CEP83: variants seen among roughly 807,000 people sequenced by gnomAD.
CEP83 encodes the protein centrosomal protein 83, also known as centrosomal protein of 83 kDa.
In CEP83, 70 loss-of-function variants were observed where a neutral mutation model predicts 101.9. The ratio of observed to expected loss-of-function variants is 0.69; its 90% CI spans 0.57 to 0.84. The LOEUF is 0.84. CEP83 is among the 40% of genes least tolerant of loss of function. The pLI is 0.00. For synonymous variants in CEP83, 264 were observed against 267.9 expected (o/e 0.99, Z 0.14); for missense variants, 715 against 787.2 (o/e 0.91, Z 1.10).
chr12:94,311,590 T>C (rs1456131251), intron 15 of CEP83, among the ~76,000 whole-genome samples: 3 of 152,176 alleles, frequency 2.0e-5, no homozygotes, highest in Non-Finnish European at 2.9e-5. Flanking sequence ...AACTGATTAC[T>C]CCATGTATAG....
the CEP83 span, chr12:94,297,199 C>A: frequency 6.2e-7 from 1 of 1,613,916 alleles, no homozygotes; most frequent in South Asian, 1.1e-5. Context: ...ATGTGGAGTA[C>A]TCGGATGACC....
At chr12:94,423,870 T>C in intron 2 of CEP83, 1 of 1,612,392 alleles carries the variant, frequency 6.2e-7, no homozygotes, top group East Asian at 2.2e-5. Flanking sequence ...TACTGGGAGA[T>C]GTAAGCTCCT....
At chr12:94,379,963 G>GT (rs1294954690) in intron 6 of CEP83, among the ~76,000 whole-genome samples, 2 of 149,810 alleles carry the variant, frequency 1.3e-5, no homozygotes, top group African/African-American at 4.9e-5. Flanking sequence ...ATTCAGCTGG[G>GT]TTTTTTGTTT....
rs865949519 is a variant in CEP83, at chr12:94,371,291, A to G, written c.934-1255T>C. ...AAGGTAAATAAATCAATTAAGAGGC[A>G]AGAAATGAATAAACGGAGGGGGGAA... is the stretch of plus-strand genomic sequence containing the variant. On this transcript the variant is annotated intron_variant, in intron 8 of 16. Transcript: ENST00000397809. 3.1e-4 allele frequency among the ~76,000 whole-genome samples: 47 copies of G among 152,356 alleles called. No individual in the cohort carries two copies. In the Middle Eastern group the frequency reaches 0.01, roughly 33 times the overall value.
At chr12:94,278,776 T>C in the CEP83 span, among the ~76,000 whole-genome samples, 1 of 152,086 alleles carries the variant, frequency 6.6e-6, no homozygotes, top group African/African-American at 2.4e-5. Flanking sequence ...GGTGGGCAGA[T>C]CACAAGGTCA....
chr12:94,313,179 A>C (rs1970131021), intron 14 of CEP83, 162 bp from the exon 15 acceptor site: 2 of 403,544 alleles, frequency 5.0e-6, no homozygotes, highest in Non-Finnish European at 8.8e-6. Context: ...TGAAAATTGC[A>C]AAGATAATAA....
the CEP83 span, among the ~76,000 whole-genome samples, chr12:94,268,117 AG>A: frequency 1.3e-5 from 2 of 152,210 alleles, no homozygotes; most frequent in African/African-American, 4.8e-5. Context: ...TTTGGAAAAA[AG>A]GCCCCCACAC....
intron 1 of CEP83, among the ~76,000 whole-genome samples, chr12:94,458,192 T>C (rs2067836170): frequency 6.7e-6 from 1 of 149,228 alleles, no homozygotes; most frequent in Non-Finnish European, 1.5e-5. Context: ...AATGAAACTC[T>C]GTCTCAAAAA....
the CEP83 span, among the ~76,000 whole-genome samples, chr12:94,271,469 C>T: frequency 2.0e-5 from 3 of 152,142 alleles, no homozygotes; most frequent in Non-Finnish European, 4.4e-5. Context: ...TGTGACGGGA[C>T]GATGGGTAAA....
intron 6 of CEP83, among the ~76,000 whole-genome samples, chr12:94,398,621 A>C (rs997334494): frequency 6.6e-6 from 1 of 152,190 alleles, no homozygotes; most frequent in Non-Finnish European, 1.5e-5. Flanking sequence ...GCACCTTGAA[A>C]AAGAATAGAA....
At chr12:94,285,408 G>A in the CEP83 span, among the ~76,000 whole-genome samples, 378 of 152,286 alleles carry the variant, frequency 2.5e-3, 1 homozygote, top group African/African-American at 8.3e-3. Flanking sequence ...AAGTGGTTGC[G>A]TTGGGTGATG....
chr12:94,323,201 T>C (rs536442020), intron 14 of CEP83, among the ~76,000 whole-genome samples: 2 of 152,070 alleles, frequency 1.3e-5, no homozygotes, highest in African/African-American at 4.8e-5. Flanking sequence ...CCTAGGGGTA[T>C]GTACAGGGGT....
downstream of CEP83, chr12:94,305,598 A>G (rs1968922242): frequency 3.9e-6 from 1 of 254,168 alleles, no homozygotes. Context: ...CTTAAGCACA[A>G]TGATATAAGT....
At chr12:94,416,038 C>T (rs534981449) in intron 2 of CEP83, among the ~76,000 whole-genome samples, 32 of 151,922 alleles carry the variant, frequency 2.1e-4, no homozygotes, top group Admixed American at 2.1e-3. Flanking sequence ...AAACTCAATA[C>T]AAAAAATAAT....
At chr12:94,447,000 C>T (rs1332382028) in intron 1 of CEP83, among the ~76,000 whole-genome samples, 1 of 152,068 alleles carries the variant, frequency 6.6e-6, no homozygotes, top group Non-Finnish European at 1.5e-5. Flanking sequence ...ACGTTGATTT[C>T]TCATCAGAAA....
At chr12:94,428,212 T>G (rs2065353676) in intron 2 of CEP83, among the ~76,000 whole-genome samples, 1 of 152,244 alleles carries the variant, frequency 6.6e-6, no homozygotes, top group Non-Finnish European at 1.5e-5. Flanking sequence ...CCAAAGTCTC[T>G]GAAAGTTGTG....
chr12:94,341,127 A>T (rs908749757), intron 11 of CEP83, among the ~76,000 whole-genome samples: 5 of 152,232 alleles, frequency 3.3e-5, no homozygotes, highest in African/African-American at 4.8e-5. Context: ...ATAAATGTGC[A>T]GCGGAGCAGC....
intron 11 of CEP83, among the ~76,000 whole-genome samples, chr12:94,336,052 C>G (rs942570728): frequency 1.3e-5 from 2 of 151,958 alleles, no homozygotes; most frequent in African/African-American, 4.8e-5. Flanking sequence ...TTAGGAGAGG[C>G]CAACTTACAT....
intron 2 of CEP83, among the ~76,000 whole-genome samples, chr12:94,421,154 T>C (rs1014543904): frequency 6.6e-6 from 1 of 152,142 alleles, no homozygotes; most frequent in Non-Finnish European, 1.5e-5. Flanking sequence ...CACCTCAGTC[T>C]CCCAAGTAGC....
Sources: allele counts gnomAD v4.1 joint callset (sites outside exome capture counted in the v4.1 genomes callset), GRCh38; gene constraint gnomAD v4.1.1; transcripts MANE v1.5; gene names NCBI Gene and HGNC (gene_info 2026-07-23, HGNC 2026-07-21).